Variants in BLACAT1 observed in about 807,000 individuals in gnomAD.
BLACAT1 encodes bladder cancer associated transcript 1.
At chr1:205,446,220 T>A (rs10793730) in intron 1 of BLACAT1, among the ~76,000 whole-genome samples, 3 of 152,240 alleles carry the variant, frequency 2.0e-5, no homozygotes. Flanking sequence ...GCCTGTCCCA[T>A]TGGCAGTAGC....
chr1:205,449,915 T>G (rs1666466469), intron 1 of BLACAT1: 1 of 152,454 alleles, frequency 6.6e-6, no homozygotes, highest in Admixed American at 6.5e-5. Flanking sequence ...CGCCTCACAA[T>G]TCCCCGCAGA....
intron 1 of BLACAT1, among the ~76,000 whole-genome samples, chr1:205,452,933 C>G (rs1419697803): frequency 6.6e-6 from 1 of 152,170 alleles, no homozygotes; most frequent in Non-Finnish European, 1.5e-5. Flanking sequence ...GAAACAAGAG[C>G]AAGAGATCTA....
At chr1:205,439,347 A>T (rs1038050676), downstream of BLACAT1, among the ~76,000 whole-genome samples, 8 of 152,202 alleles carry the variant, frequency 5.3e-5, no homozygotes, top group African/African-American at 1.9e-4. Flanking sequence ...GTAGGGGCAA[A>T]GGAAGGGGTT....
chr1:205,449,474 T>C (rs1041550294), intron 1 of BLACAT1, among the ~76,000 whole-genome samples: 9 of 152,112 alleles, frequency 5.9e-5, no homozygotes, highest in African/African-American at 2.2e-4. Flanking sequence ...CCACCCCAAC[T>C]GTACCCTCAG....
downstream of BLACAT1, among the ~76,000 whole-genome samples, chr1:205,438,460 G>A (rs530652807): frequency 4.1e-4 from 62 of 152,352 alleles, no homozygotes; most frequent in African/African-American, 1.4e-3. Flanking sequence ...CGAATGCTGG[G>A]GCTGCTTTGG....
At chr1:205,443,635 G>A (rs1248382282) in intron 1 of BLACAT1, among the ~76,000 whole-genome samples, 1 of 152,152 alleles carries the variant, frequency 6.6e-6, no homozygotes, top group East Asian at 1.9e-4. Context: ...AACAGGGCCT[G>A]GTTATTCTGC....
intron 1 of BLACAT1, among the ~76,000 whole-genome samples, chr1:205,444,991 C>T (rs564903730): frequency 2.6e-5 from 4 of 152,114 alleles, no homozygotes; most frequent in South Asian, 2.1e-4. Context: ...GCCCCCTCCC[C>T]GGCTCCCTTA....
chr1:205,445,626 C>T (rs528340478), intron 1 of BLACAT1, among the ~76,000 whole-genome samples: 26 of 152,232 alleles, frequency 1.7e-4, no homozygotes, highest in Admixed American at 9.8e-4. Context: ...GCCAAGCATT[C>T]TCAGTGGTTC....
chr1:205,452,874 A>G (rs1334934791), intron 1 of BLACAT1, among the ~76,000 whole-genome samples: 1 of 152,220 alleles, frequency 6.6e-6, no homozygotes, highest in African/African-American at 2.4e-5. Flanking sequence ...TGTTGGCTGA[A>G]TGGTATAGGT....
intron 1 of BLACAT1, among the ~76,000 whole-genome samples, chr1:205,443,980 C>T (rs1462062832): frequency 1.3e-5 from 2 of 152,192 alleles, no homozygotes; most frequent in Non-Finnish European, 2.9e-5. Flanking sequence ...GACTTTACCC[C>T]TTCACCCTTG....
chr1:205,449,283 G>A (rs1666455187), intron 1 of BLACAT1, among the ~76,000 whole-genome samples: 1 of 152,150 alleles, frequency 6.6e-6, no homozygotes, highest in Non-Finnish European at 1.5e-5. Flanking sequence ...TTCCCCACCC[G>A]CTCCCATGAC....
intron 1 of BLACAT1, among the ~76,000 whole-genome samples, chr1:205,451,186 G>A (rs1223745167): frequency 6.6e-6 from 1 of 152,090 alleles, no homozygotes; most frequent in Non-Finnish European, 1.5e-5. Flanking sequence ...TTCCTCCTTG[G>A]CCACTCCAGG....
At chr1:205,445,392 C>A (rs1484945628) in intron 1 of BLACAT1, among the ~76,000 whole-genome samples, 1 of 152,256 alleles carries the variant, frequency 6.6e-6, no homozygotes, top group African/African-American at 2.4e-5. Flanking sequence ...GACCTCCAGT[C>A]TGGGAGAAGC....
rs556589262 is a variant in BLACAT1 at position 205,447,514 on chromosome 1, C to T, written c.-36-6452G>A. Among the ~76,000 whole-genome samples, 319 of 152,196 alleles carry T rather than the reference C, an allele frequency of 2.1e-3. 3 individuals carry two copies. Among genetic ancestry groups the T allele is most frequent in the African/African-American group, 7.4e-3 (306 of 41,490 alleles). ...CGGGGTACGAGGATGCTTCCTCTTC[C>T]ACCACAGCCACCTGTTGGAATCTTC... On this transcript the variant is annotated intron_variant, in intron 1 of 1. Coordinates refer to ENST00000629624, the Ensembl canonical transcript of BLACAT1.
exon 2 of BLACAT1, among the ~76,000 whole-genome samples, chr1:205,440,438 C>T (rs1666272978): frequency 6.6e-6 from 1 of 152,192 alleles, no homozygotes; most frequent in South Asian, 2.1e-4. Flanking sequence ...CCTGGAATCC[C>T]AGGAGAGTCT....
At chr1:205,454,136 G>A (rs555073392) in intron 1 of BLACAT1, among the ~76,000 whole-genome samples, 7 of 152,278 alleles carry the variant, frequency 4.6e-5, no homozygotes, top group East Asian at 3.9e-4. Flanking sequence ...AATATGCACC[G>A]AGCACAGACA....
intron 1 of BLACAT1, among the ~76,000 whole-genome samples, chr1:205,445,046 T>C (rs1242799235): frequency 6.6e-6 from 1 of 152,144 alleles, no homozygotes; most frequent in Non-Finnish European, 1.5e-5. Flanking sequence ...CTTCCCTCCC[T>C]GAGCCATTCA....
intron 1 of BLACAT1, among the ~76,000 whole-genome samples, chr1:205,452,186 A>G (rs1384438207): frequency 6.6e-6 from 1 of 152,192 alleles, no homozygotes; most frequent in African/African-American, 2.4e-5. Flanking sequence ...CATGAAAACT[A>G]AAGCCTGTTT....
Position 205,448,107 on chromosome 1 carries a change from C to T in BLACAT1, c.-36-7045G>A, listed in dbSNP as rs967789352. ...AGAGGGAATCTCCCTCTGGAATCAC[C>T]GGCCCAGTCTCTTCATTCCAGAGTG... On this transcript the variant is annotated intron_variant, in intron 1 of 1. Transcript: ENST00000629624. This position sits in a 1 kb window ranked among gnomAD's most constrained non-coding sequence, Gnocchi z 4.7. Among the ~76,000 whole-genome samples, 6 of 152,176 alleles carry T rather than the reference C, an allele frequency of 3.9e-5. No homozygotes were observed. The highest frequency in any genetic ancestry group is 7.2e-5 in the African/African-American group (3 of 41,450).
Sources: gnomAD v4.1 joint callset for allele counts (sites outside exome capture counted in the v4.1 genomes callset) on GRCh38, gnomAD v4.1.1 for gene constraint, Gnocchi (gnomAD v3.1) non-coding constraint, MANE v1.5 for transcripts, NCBI Gene and HGNC (gene_info 2026-07-23, HGNC 2026-07-21) for gene names.